Variants in SLC39A12 observed in about 807,000 individuals in gnomAD.
SLC39A12 encodes the protein zinc transporter ZIP12.
SLC39A12 carries 63 observed loss-of-function variants against 71.1 expected under a neutral mutation model. The observed-to-expected ratio is 0.89, with a 90% CI of 0.72 to 1.09. The LOEUF (loss-of-function observed/expected upper bound fraction) is 1.09. Among genes scored for constraint, SLC39A12 ranks in the 50% least tolerant of loss-of-function variants. The probability of loss-of-function intolerance (pLI) is 0.00; values close to 1 mark genes in which losing one functional copy is unlikely to be tolerated. For synonymous variants in SLC39A12, 351 were observed against 301.3 expected, an observed-to-expected ratio of 1.16 and a Z score of -1.71; for missense variants, 892 against 812.6, an observed-to-expected ratio of 1.10 and a Z score of -1.19.
At chr10:18,036,311 G>A (rs550088536) in intron 12 of SLC39A12, among the ~76,000 whole-genome samples, 20 of 152,268 alleles carry the variant, frequency 1.3e-4, no homozygotes, top group Non-Finnish European at 2.2e-4. Context: ...CTCCGTGGGC[G>A]TAGGACCCTC....
At chr10:17,965,863 A>G (rs1834813298) in intron 4 of SLC39A12, among the ~76,000 whole-genome samples, 173 bp downstream of exon 4, 1 of 152,234 alleles carries the variant, frequency 6.6e-6, no homozygotes, top group Non-Finnish European at 1.5e-5. Context: ...CAAGCGTGCT[A>G]TGAAAGCTAT....
chr10:18,002,663 T>C (rs1314343182), intron 11 of SLC39A12: 3 of 152,310 alleles, frequency 2.0e-5, no homozygotes, highest in African/African-American at 7.2e-5. Context: ...ATCATTTTCC[T>C]ATAATCATTT....
chr10:18,035,219 C>G (rs1019068651), intron 12 of SLC39A12, among the ~76,000 whole-genome samples: 1 of 147,568 alleles, frequency 6.8e-6, no homozygotes. Flanking sequence ...GGGAAGTTCT[C>G]CTGGATAATA....
intron 10 of SLC39A12, among the ~76,000 whole-genome samples, chr10:17,996,350 T>C (rs1478287743): frequency 6.6e-6 from 1 of 152,218 alleles, no homozygotes; most frequent in African/African-American, 2.4e-5. Flanking sequence ...GTTTTTCGGA[T>C]TTTTTTGTCT....
intron 12 of SLC39A12, among the ~76,000 whole-genome samples, chr10:18,027,435 C>G (rs1409187948): frequency 6.6e-6 from 1 of 152,202 alleles, no homozygotes; most frequent in African/African-American, 2.4e-5. Flanking sequence ...TTTCCCTCTC[C>G]TCCTACCAGA....
At chr10:17,996,925 G>A (rs1183949756) in intron 10 of SLC39A12, among the ~76,000 whole-genome samples, 1 of 151,578 alleles carries the variant, frequency 6.6e-6, no homozygotes, top group East Asian at 1.9e-4. Flanking sequence ...GTGAACCCGG[G>A]AGGCGGAGCT....
chr10:17,961,915 C>G, intron 3 of SLC39A12, 53 bp downstream of exon 3: 1 of 1,514,982 alleles, frequency 6.6e-7, no homozygotes, highest in Non-Finnish European at 8.9e-7. Context: ...AGTTCTAGAG[C>G]CTTATTGTTT....
At chr10:18,015,466 T>A (rs1436156566) in intron 12 of SLC39A12, among the ~76,000 whole-genome samples, 8 of 152,124 alleles carry the variant, frequency 5.3e-5, no homozygotes, top group Admixed American at 3.9e-4. Context: ...ATAATAGTGA[T>A]CACATTTGGG....
intron 12 of SLC39A12, among the ~76,000 whole-genome samples, chr10:18,008,259 G>A (rs1006004527): frequency 1.3e-5 from 2 of 152,126 alleles, no homozygotes; most frequent in Admixed American, 6.5e-5. Flanking sequence ...TCAGATCAGC[G>A]GGGGCATTAG....
At chr10:18,033,575 A>G (rs1419666392) in intron 12 of SLC39A12, among the ~76,000 whole-genome samples, 1 of 141,810 alleles carries the variant, frequency 7.1e-6, no homozygotes, top group Non-Finnish European at 1.5e-5. Flanking sequence ...CGGTCTATCA[A>G]TTTTGTTGAT....
intron 8 of SLC39A12, among the ~76,000 whole-genome samples, chr10:17,992,801 T>TA (rs1222224565): frequency 6.6e-6 from 1 of 152,188 alleles, no homozygotes; most frequent in African/African-American, 2.4e-5. Context: ...ATAAAAGGAA[T>TA]ACGTATGTTT....
intron 12 of SLC39A12, among the ~76,000 whole-genome samples, chr10:18,018,669 A>C (rs1334532556): frequency 6.6e-6 from 1 of 152,120 alleles, no homozygotes; most frequent in East Asian, 1.9e-4. Flanking sequence ...TGTTGATGTG[A>C]TGGATTATGT....
intron 12 of SLC39A12, chr10:18,005,253 T>C (rs946964008): frequency 1.3e-5 from 2 of 152,172 alleles, no homozygotes; most frequent in African/African-American, 4.8e-5. Flanking sequence ...TACCCCTTTT[T>C]CTGAACCTAT....
At chr10:17,961,935 T>A in intron 3 of SLC39A12, 73 bp downstream of exon 3, 1 of 1,460,318 alleles carries the variant, frequency 6.8e-7, no homozygotes, top group Non-Finnish European at 9.2e-7. Context: ...TGTTCCTTAT[T>A]TATTTCTAAG....
intron 4 of SLC39A12, among the ~76,000 whole-genome samples, chr10:17,969,036 G>A (rs1426926866): frequency 6.6e-6 from 1 of 152,156 alleles, no homozygotes; most frequent in Admixed American, 6.5e-5. Flanking sequence ...GTGAGAATAT[G>A]CAATGTTTGT....
chr10:17,991,249 T>C lies in SLC39A12; in HGVS notation c.1368T>C (p.His456=), dbSNP rs773232109. ...WKLMGLIGGI[H]GFFLIEKCFI... Reference sequence around the variant, plus strand: ...TGATGGGATTAATTGGAGGCATCCATGGATTTTTCTTGATAGAAAAATGTT... The same window carrying C: ...TGATGGGATTAATTGGAGGCATCCACGGATTTTTCTTGATAGAAAAATGTT... Residue 456 remains histidine (H), a synonymous_variant, in exon 8 of 13, where the codon CAT becomes CAC. Transcript: ENST00000377369. The C allele has an allele frequency of 1.9e-6, 3 of 1,598,124 alleles. No homozygotes were observed. Among genetic ancestry groups the C allele is most frequent in the Non-Finnish European group, 2.6e-6 (3 of 1,174,634 alleles).
intron 12 of SLC39A12, chr10:18,009,738 T>A (rs1234145817): frequency 6.6e-6 from 1 of 152,202 alleles, no homozygotes; most frequent in African/African-American, 2.4e-5. Flanking sequence ...GGACTTTCAA[T>A]TTCCAGATAA....
Position 17,976,598 on chromosome 10 carries a change from A to T in SLC39A12, c.752-1304A>T, listed in dbSNP as rs562947653. Among the ~76,000 whole-genome samples the T allele has an allele frequency of 5.6e-4, 85 of 151,708 alleles. 1 individual carries two copies. In the South Asian group the frequency reaches 0.017, roughly 30 times the overall value. ...ACGCCTGGCTAATTTTTATATATAT[A>T]TTTTTTTGTAGAGAAGTGGTTTCAC... On this transcript the variant is annotated intron_variant, in intron 4 of 12. Coordinates refer to ENST00000377369, the MANE Select transcript of SLC39A12 (RefSeq NM_001145195.2).
chr10:17,976,038 G>C (rs1391357962), intron 4 of SLC39A12, among the ~76,000 whole-genome samples: 1 of 152,188 alleles, frequency 6.6e-6, no homozygotes. Flanking sequence ...GCTGCTACTG[G>C]GGAGGTGGGA....
Sources: allele counts gnomAD v4.1 joint callset (sites outside exome capture counted in the v4.1 genomes callset), GRCh38; gene constraint gnomAD v4.1.1; transcripts MANE v1.5; gene names NCBI Gene and HGNC (gene_info 2026-07-23, HGNC 2026-07-21).